USH2A: variants seen among roughly 807,000 people sequenced by gnomAD.
The protein encoded by USH2A is Usher syndrome 2A (autosomal recessive, mild).
A neutral mutation model predicts 538.9 loss-of-function variants in USH2A; 443 were observed. The ratio of observed to expected loss-of-function variants is 0.82; its 90% CI spans 0.76 to 0.89. USH2A has a LOEUF of 0.89. Among genes scored for constraint, USH2A ranks in the 40% least tolerant of loss-of-function variants. The pLI, the probability that USH2A is intolerant of heterozygous loss-of-function variation, is 0.00. For synonymous variants in USH2A, 2,413 were observed against 2,273.5 expected (o/e 1.06, Z -1.75); for missense variants, 6,633 against 6,324.8 (o/e 1.05, Z -1.65).
chr1:215,686,090 C>T (rs905251933), intron 61 of USH2A, among the ~76,000 whole-genome samples: 2 of 152,122 alleles, frequency 1.3e-5, no homozygotes, highest in African/African-American at 4.8e-5. Context: ...AGCAGTTTCT[C>T]AGCAGCTGGT....
chr1:216,224,216 T>C (rs2035518157), intron 14 of USH2A, among the ~76,000 whole-genome samples: 1 of 152,138 alleles, frequency 6.6e-6, no homozygotes, highest in Admixed American at 6.5e-5. Context: ...ACTGGAGCAG[T>C]CCTGGGGGCT....
intron 21 of USH2A, among the ~76,000 whole-genome samples, chr1:216,121,572 T>C (rs1381390550): frequency 6.6e-6 from 1 of 152,204 alleles, no homozygotes; most frequent in East Asian, 1.9e-4. Context: ...GCATTAATCA[T>C]GTTGTTGCGT....
At chr1:215,994,319 T>C (rs1254437078) in intron 34 of USH2A, among the ~76,000 whole-genome samples, 6 of 152,140 alleles carry the variant, frequency 3.9e-5, no homozygotes, top group Non-Finnish European at 7.4e-5. Context: ...GAGTGAGTGA[T>C]TTTGTGATTC....
In USH2A at chr1:216,000,458, C is replaced by T. The variant is rs1448306275; in HGVS notation, c.6430G>A (p.Glu2144Lys). The T allele has an allele frequency of 1.2e-6, 2 of 1,613,670 alleles. No individual in the cohort carries two copies. The highest frequency in any genetic ancestry group is 2.2e-5 in the East Asian group (1 of 44,846). The change falls in exon 33 of 72, where the codon GAA becomes AAA. Residue 2144 changes from glutamate to lysine, a missense_variant. Glu to Lys is a moderately conservative substitution (Grantham distance 56). Coordinates refer to ENST00000307340, the MANE Select transcript of USH2A (RefSeq NM_206933.4). Reference sequence around the variant, plus strand: ...GTCAGAACTGGGGAATCCACGTGTTCTGGTGGCAGCTGTGCTGTGTACAGT... The same window carrying T: ...GTCAGAACTGGGGAATCCACGTGTTTTGGTGGCAGCTGTGCTGTGTACAGT... The part of the protein sequence containing the change: ...VLLYTAQLPP[E>K]HVDSPVLTVL...
chr1:215,842,964 C>G (rs1547765), intron 46 of USH2A, among the ~76,000 whole-genome samples: 58,108 of 151,670 alleles, frequency 0.38, 11,642 homozygotes, highest in Admixed American at 0.52. Context: ...TATACAGGAA[C>G]TTAAAATAAA....
chr1:216,082,357 G>A (rs1339414419), intron 26 of USH2A, among the ~76,000 whole-genome samples: 1 of 123,572 alleles, frequency 8.1e-6, no homozygotes, highest in Non-Finnish European at 1.8e-5. Context: ...ATACACAAGA[G>A]GACAAACAAA....
intron 55 of USH2A, among the ~76,000 whole-genome samples, chr1:215,779,134 G>A (rs779765025): frequency 2.0e-5 from 3 of 152,154 alleles, no homozygotes; most frequent in Non-Finnish European, 4.4e-5. Context: ...GGCAGTGAGA[G>A]GTCTATGATG....
intron 43 of USH2A, among the ~76,000 whole-genome samples, chr1:215,868,306 A>G (rs989271410): frequency 1.3e-5 from 2 of 152,216 alleles, no homozygotes; most frequent in African/African-American, 2.4e-5. Flanking sequence ...CCACCTAGGT[A>G]GAAGAAATCT....
rs114120717 is a variant in USH2A, at chr1:215,956,068, T to G, written c.7120+9249A>C. On this transcript the variant is annotated intron_variant, in intron 37 of 71. Transcript: ENST00000307340. ...TTCTCTGTGTAATCCATTCTTCTGT[T>G]TCCCTCTAACATCAATTCACAGCTG... 8.2e-3 allele frequency among the ~76,000 whole-genome samples: 1,244 copies of G among 152,258 alleles called. 19 individuals are homozygous for G. Among genetic ancestry groups the G allele is most frequent in the African/African-American group, 0.028 (1,165 of 41,540 alleles).
intron 21 of USH2A, among the ~76,000 whole-genome samples, chr1:216,103,399 C>T (rs184528137): frequency 3.8e-4 from 58 of 152,326 alleles, no homozygotes; most frequent in African/African-American, 1.3e-3. Flanking sequence ...AAGCCTTTAT[C>T]CCTGTCAACT....
chr1:216,280,411 A>G (rs1558360856), intron 11 of USH2A, among the ~76,000 whole-genome samples: 1 of 152,148 alleles, frequency 6.6e-6, no homozygotes, highest in African/African-American at 2.4e-5. Context: ...GAAAAAAAAA[A>G]GGAAAAATAC....
intron 21 of USH2A, among the ~76,000 whole-genome samples, chr1:216,122,313 A>G (rs1295269156): frequency 6.6e-6 from 1 of 152,192 alleles, no homozygotes; most frequent in Non-Finnish European, 1.5e-5. Flanking sequence ...GGGATCCAAG[A>G]GAGGGACACA....
intron 3 of USH2A, among the ~76,000 whole-genome samples, chr1:216,370,283 C>T (rs1304024018): frequency 6.6e-6 from 1 of 151,886 alleles, no homozygotes; most frequent in Non-Finnish European, 1.5e-5. Flanking sequence ...ATTACTTGAA[C>T]CGGGGAGGTG....
intron 21 of USH2A, among the ~76,000 whole-genome samples, chr1:216,113,373 T>A (rs141486723): frequency 7.9e-5 from 12 of 152,228 alleles, no homozygotes; most frequent in African/African-American, 2.9e-4. Context: ...CTGCAAGAAA[T>A]TTCTCAAGTT....
chr1:215,683,213 T>G (rs1418959201), intron 61 of USH2A, among the ~76,000 whole-genome samples: 1 of 111,308 alleles, frequency 9.0e-6, no homozygotes, highest in Non-Finnish European at 1.8e-5. Flanking sequence ...CTGAATAGTT[T>G]TATACACACA....
At chr1:216,187,726 A>T (rs2034637689) in intron 20 of USH2A, among the ~76,000 whole-genome samples, 1 of 151,920 alleles carries the variant, frequency 6.6e-6, no homozygotes. Flanking sequence ...AAATCATGAC[A>T]ATAAATTTTT....
chr1:215,833,387 G>A (rs530229893), intron 47 of USH2A, among the ~76,000 whole-genome samples: 1 of 151,630 alleles, frequency 6.6e-6, no homozygotes, highest in Admixed American at 6.6e-5. Flanking sequence ...GTCCAAAAAT[G>A]GCCTACAAAA....
chr1:215,786,841 A>T lies in USH2A; in HGVS notation c.10216T>A (p.Ser3406Thr), dbSNP rs1208211065. The T allele has an allele frequency of 6.2e-7, 1 of 1,613,812 alleles. No individual in the cohort carries two copies. Among genetic ancestry groups the T allele is most frequent in the South Asian group, 1.1e-5 (1 of 91,088 alleles). ...TKECRILCPA[S>T]MEATEHCGRC... Reference sequence around the variant, plus strand: ...CCACAATGTTCTGTGGCTTCCATAGATGCTGGGCAGAGGATCCTGCACTCT... The same window carrying T: ...CCACAATGTTCTGTGGCTTCCATAGTTGCTGGGCAGAGGATCCTGCACTCT... Residue 3406 changes from serine to threonine, a missense_variant, in exon 52 of 72, where the codon TCT (serine) becomes ACT (threonine). Transcript: ENST00000307340.
At chr1:216,332,815 A>G (rs948496956) in intron 4 of USH2A, among the ~76,000 whole-genome samples, 1 of 152,172 alleles carries the variant, frequency 6.6e-6, no homozygotes, top group Non-Finnish European at 1.5e-5. Flanking sequence ...AGCAAACAGT[A>G]GTAATAGTGA....
Sources: gnomAD v4.1 joint callset for allele counts (sites outside exome capture counted in the v4.1 genomes callset) on GRCh38, gnomAD v4.1.1 for gene constraint, MANE v1.5 for transcripts, NCBI Gene and HGNC (gene_info 2026-07-23, HGNC 2026-07-21) for gene names.